Variants in ROBO1 observed in about 807,000 individuals in gnomAD.
ROBO1 encodes the protein roundabout homolog 1.
Under a neutral mutation model 195.9 loss-of-function variants are expected in ROBO1, and 149 were observed. That is an observed-to-expected ratio of 0.76 (90% CI 0.67 to 0.87). ROBO1 has a LOEUF of 0.87. Ranked by LOEUF, ROBO1 falls within the 40% of genes least tolerant of loss-of-function variation. The probability of loss-of-function intolerance (pLI) is 0.00; values close to 1 mark genes in which losing one functional copy is unlikely to be tolerated. For missense variants in ROBO1, 1,933 were observed against 2,068.3 expected, an observed-to-expected ratio of 0.93 and a Z score of 1.27; for synonymous variants, 816 against 733.2, an observed-to-expected ratio of 1.11 and a Z score of -1.82.
chr3:78,899,515 G>T (rs1223935545), intron 4 of ROBO1, among the ~76,000 whole-genome samples: 1 of 152,096 alleles, frequency 6.6e-6, no homozygotes, highest in Admixed American at 6.6e-5. Flanking sequence ...TTTGTGTTAG[G>T]CAATGTCTAG....
chr3:78,893,834 A>G (rs150594052), intron 4 of ROBO1, among the ~76,000 whole-genome samples: 1 of 152,306 alleles, frequency 6.6e-6, no homozygotes, highest in East Asian at 1.9e-4. Flanking sequence ...ATCTGGTACT[A>G]GAAACTTCTC....
chr3:79,640,685 T>C (rs1181755087), intron 1 of ROBO1, among the ~76,000 whole-genome samples: 1 of 152,204 alleles, frequency 6.6e-6, no homozygotes. Flanking sequence ...CTCATGGCAC[T>C]ATTCTACATT....
At chr3:79,607,576 CA>C (rs2107900328) in intron 1 of ROBO1, among the ~76,000 whole-genome samples, 1 of 142,704 alleles carries the variant, frequency 7.0e-6, no homozygotes, top group Admixed American at 7.4e-5. Context: ...TATCTTCAAT[CA>C]AAAACTACAA....
intron 2 of ROBO1, among the ~76,000 whole-genome samples, chr3:79,540,975 A>C (rs766140971): frequency 6.6e-6 from 1 of 152,118 alleles, no homozygotes; most frequent in South Asian, 2.1e-4. Context: ...TACTTTTTTT[A>C]GACTTAATAG....
At chr3:79,699,327 C>T (rs1377281925) in intron 1 of ROBO1, among the ~76,000 whole-genome samples, 3 of 151,154 alleles carry the variant, frequency 2.0e-5, no homozygotes, top group Non-Finnish European at 3.0e-5. Flanking sequence ...GCACAGGGAG[C>T]GCCCCCTACA....
At chr3:79,237,189 A>C (rs569134473) in intron 2 of ROBO1, among the ~76,000 whole-genome samples, 3 of 152,312 alleles carry the variant, frequency 2.0e-5, no homozygotes, top group Admixed American at 2.0e-4. Flanking sequence ...AGTGTAATAA[A>C]AGTTCAAAAA....
chr3:78,657,361 G>A, intron 17 of ROBO1, 92 bp from the exon 18 acceptor site: 2 of 1,288,306 alleles, frequency 1.6e-6, no homozygotes, highest in Non-Finnish European at 2.2e-6. Flanking sequence ...CCCAGACAGA[G>A]TACTAAACTG....
At chr3:79,491,776 A>C (rs536628355) in intron 2 of ROBO1, among the ~76,000 whole-genome samples, 37 of 146,970 alleles carry the variant, frequency 2.5e-4, no homozygotes, top group African/African-American at 8.1e-4. Flanking sequence ...AAATGATTTA[A>C]TCTGACTTTT....
chr3:79,470,666 G>C (rs752698107), intron 2 of ROBO1, among the ~76,000 whole-genome samples: 2 of 152,012 alleles, frequency 1.3e-5, no homozygotes, highest in Non-Finnish European at 2.9e-5. Flanking sequence ...TACTGTTCTT[G>C]TGGTAGTGAA....
intron 1 of ROBO1, among the ~76,000 whole-genome samples, chr3:79,634,758 G>A (rs963412166): frequency 1.3e-5 from 2 of 152,062 alleles, no homozygotes; most frequent in African/African-American, 4.8e-5. Context: ...TTAATTTCCT[G>A]TGCATTATAT....
At chr3:79,066,317 C>T (rs2108420823) in intron 3 of ROBO1, among the ~76,000 whole-genome samples, 1 of 151,934 alleles carries the variant, frequency 6.6e-6, no homozygotes, top group South Asian at 2.1e-4. Flanking sequence ...GGGGGCTTCT[C>T]AGACGGCTGG....
intron 4 of ROBO1, among the ~76,000 whole-genome samples, chr3:78,889,621 A>C (rs955385000): frequency 7.2e-5 from 11 of 151,944 alleles, no homozygotes; most frequent in Admixed American, 6.6e-4. Flanking sequence ...GCAGCTTGAC[A>C]ATATGGGGTT....
intron 8 of ROBO1, among the ~76,000 whole-genome samples, chr3:78,696,572 A>G (rs1306941619): frequency 6.6e-6 from 1 of 151,568 alleles, no homozygotes; most frequent in Non-Finnish European, 1.5e-5. Context: ...TTGATTTTAC[A>G]TTTAAACTGC....
intron 4 of ROBO1, among the ~76,000 whole-genome samples, chr3:78,814,623 C>T (rs1030663701): frequency 2.0e-5 from 3 of 151,950 alleles, no homozygotes; most frequent in Non-Finnish European, 4.4e-5. Context: ...CAGGCCAGCC[C>T]GCTCATAAAC....
intron 4 of ROBO1, among the ~76,000 whole-genome samples, chr3:78,886,344 C>G (rs1313532464): frequency 6.6e-6 from 1 of 152,078 alleles, no homozygotes; most frequent in Non-Finnish European, 1.5e-5. Flanking sequence ...CATCTGTAAT[C>G]CCAGCACTTT....
chr3:79,418,430 A>G (rs2106916134), intron 2 of ROBO1, among the ~76,000 whole-genome samples: 1 of 152,250 alleles, frequency 6.6e-6, no homozygotes, highest in East Asian at 1.9e-4. Flanking sequence ...TGTAAAAATG[A>G]ATTTATTGTG....
At chr3:79,638,570 G>A (rs6799512) in intron 1 of ROBO1, among the ~76,000 whole-genome samples, 86,519 of 151,782 alleles carry the variant, frequency 0.57, 24,892 homozygotes, top group South Asian at 0.67. Flanking sequence ...GTGAGCCACC[G>A]TGCCCAGCCT....
intron 4 of ROBO1, among the ~76,000 whole-genome samples, chr3:78,884,640 AAAGAAAGAAAGG>A: frequency 1.1e-5 from 1 of 86,970 alleles, no homozygotes; most frequent in Non-Finnish European, 2.4e-5. Context: ...AAAGAGAAAG[AAAGAAAGAAAGG>A]AAGGAAGGAA....
At chr3:79,015,384 C>CG (rs2077901950) in intron 3 of ROBO1, among the ~76,000 whole-genome samples, 1 of 149,152 alleles carries the variant, frequency 6.7e-6, no homozygotes, top group African/African-American at 2.5e-5. Context: ...CCCCACGCCC[C>CG]CCCCCAAAAA....
Sources: allele counts gnomAD v4.1 joint callset (sites outside exome capture counted in the v4.1 genomes callset), GRCh38; gene constraint gnomAD v4.1.1; transcripts MANE v1.5; gene names NCBI Gene and HGNC (gene_info 2026-07-23, HGNC 2026-07-21).